The following ZMAT4 variants were observed in gnomAD, a reference collection of about 807,000 sequenced individuals.
ZMAT4 encodes the protein zinc finger matrin-type 4, also known as zinc finger matrin-type protein 4.
In ZMAT4, 17 loss-of-function variants were observed where a neutral mutation model predicts 28.7. The ratio of observed to expected loss-of-function variants is 0.59; its 90% CI spans 0.41 to 0.89. The LOEUF is 0.89. Among genes scored for constraint, ZMAT4 ranks in the 40% least tolerant of loss-of-function variants. ZMAT4 has a pLI of 0.00. For synonymous variants in ZMAT4, 117 were observed against 109.2 expected (o/e 1.07, Z -0.44); for missense variants, 240 against 283.8 (o/e 0.85, Z 1.11).
At chr8:40,628,835 A>G (rs999890997) in intron 5 of ZMAT4, among the ~76,000 whole-genome samples, 1 of 152,180 alleles carries the variant, frequency 6.6e-6, no homozygotes, top group African/African-American at 2.4e-5. Context: ...TATCCACTAG[A>G]GAAAAATGCC....
intron 1 of ZMAT4, among the ~76,000 whole-genome samples, chr8:40,888,235 C>T (rs1366613276): frequency 6.6e-6 from 1 of 152,198 alleles, no homozygotes; most frequent in East Asian, 1.9e-4. Context: ...TTCTCCATGA[C>T]AGGTAGGGCT....
At chr8:40,686,965 A>G (rs1809436395) in intron 4 of ZMAT4, among the ~76,000 whole-genome samples, 1 of 152,126 alleles carries the variant, frequency 6.6e-6, no homozygotes, top group South Asian at 2.1e-4. Context: ...TGTGAAGAAC[A>G]TGAGGCGGGA....
At chr8:40,838,098 A>G (rs1312813052) in intron 1 of ZMAT4, among the ~76,000 whole-genome samples, 1 of 152,252 alleles carries the variant, frequency 6.6e-6, no homozygotes, top group African/African-American at 2.4e-5. Context: ...CAGCTGGGCC[A>G]TCTGGCAACA....
At chr8:40,841,820 C>CTGTT (rs1816711264) in intron 1 of ZMAT4, among the ~76,000 whole-genome samples, 1 of 152,198 alleles carries the variant, frequency 6.6e-6, no homozygotes, top group South Asian at 2.1e-4. Context: ...GTAGAACTCC[C>CTGTT]TGTTTCTATT....
rs34621757 is a variant in ZMAT4, at chr8:40,671,066, CAA to C, written c.577+3636_577+3637del. Among the ~76,000 whole-genome samples, 198 of 123,512 alleles carry C rather than the reference CAA, an allele frequency of 1.6e-3. 1 individual carries two copies. The highest frequency in any genetic ancestry group is 1.8e-3 in the African/African-American group (58 of 32,504). 81.0% of individuals were successfully genotyped at this position (123,512 alleles called of 152,430 possible). A position where few individuals can be genotyped will look rare whatever the true frequency, so the allele number is the denominator to read the frequency against. Reference sequence around the variant, plus strand: ...CTGGCAACAGAGCAAGACTCCATCTCAAAAAAAAAAAAAAAAGTACTTGACAT... The same window carrying C: ...CTGGCAACAGAGCAAGACTCCATCTCAAAAAAAAAAAAAAGTACTTGACAT... On this transcript the variant is annotated intron_variant, in intron 5 of 6. Transcript: ENST00000297737.
At chr8:40,595,486 C>T (rs1199006717) in intron 5 of ZMAT4, among the ~76,000 whole-genome samples, 1 of 152,084 alleles carries the variant, frequency 6.6e-6, no homozygotes, top group African/African-American at 2.4e-5. Flanking sequence ...AGTGTACTTA[C>T]ATAAACCTAC....
At chr8:40,671,851 TA>T (rs1218780073) in intron 5 of ZMAT4, among the ~76,000 whole-genome samples, 1 of 152,196 alleles carries the variant, frequency 6.6e-6, no homozygotes, top group African/African-American at 2.4e-5. Context: ...TAGTTTCTTA[TA>T]AAAAATATTA....
chr8:40,575,592 A>G (rs1325346334), intron 6 of ZMAT4, among the ~76,000 whole-genome samples: 1 of 147,414 alleles, frequency 6.8e-6, no homozygotes, highest in Non-Finnish European at 1.5e-5. Flanking sequence ...AGACCATACT[A>G]CTGTGTTTAC....
chr8:40,801,341 T>TAAAAAA (rs201742506), intron 2 of ZMAT4, among the ~76,000 whole-genome samples: 4 of 114,620 alleles, frequency 3.5e-5, no homozygotes, highest in African/African-American at 1.3e-4. Context: ...ATACTTTCTT[T>TAAAAAA]AAAAAAAAAA....
chr8:40,815,145 C>T (rs1815479126), intron 2 of ZMAT4, among the ~76,000 whole-genome samples: 1 of 151,998 alleles, frequency 6.6e-6, no homozygotes, highest in African/African-American at 2.4e-5. Flanking sequence ...TGTGGTGCTG[C>T]GTGCCTGTAA....
In ZMAT4 at chr8:40,817,426, T is replaced by C. The variant is rs539580060; in HGVS notation, c.102+8149A>G. On this transcript the variant is annotated intron_variant, in intron 2 of 6. Coordinates refer to ENST00000297737, the MANE Select transcript of ZMAT4 (RefSeq NM_024645.3). ...CTCCAGGGGTCAGTGCCAGGGGTCA[T>C]TGGGAAAAATGAAAAAGAAAAGTCC... is the stretch of plus-strand genomic sequence containing the variant. Among the ~76,000 whole-genome samples, 319 of 152,162 alleles carry C rather than the reference T, an allele frequency of 2.1e-3. 1 individual carries two copies. The highest frequency in any genetic ancestry group is 7.4e-3 in the African/African-American group (309 of 41,510).
At chr8:40,560,302 A>G (rs1803693407) in intron 6 of ZMAT4, among the ~76,000 whole-genome samples, 1 of 151,974 alleles carries the variant, frequency 6.6e-6, no homozygotes, top group Non-Finnish European at 1.5e-5. Flanking sequence ...CCAATTATAG[A>G]CAGTCTATTT....
intron 1 of ZMAT4, among the ~76,000 whole-genome samples, chr8:40,872,568 C>T (rs950211688): frequency 4.6e-5 from 7 of 152,040 alleles, no homozygotes; most frequent in African/African-American, 1.7e-4. Context: ...AGGGGTGGGC[C>T]TTAGGGGGCC....
intron 5 of ZMAT4, among the ~76,000 whole-genome samples, chr8:40,585,646 A>T (rs1207828412): frequency 1.3e-5 from 2 of 152,158 alleles, no homozygotes; most frequent in Admixed American, 6.5e-5. Flanking sequence ...TTTCACAGGG[A>T]TTCATGATTC....
intron 5 of ZMAT4, among the ~76,000 whole-genome samples, chr8:40,649,946 A>T (rs1421986061): frequency 6.6e-6 from 1 of 151,980 alleles, no homozygotes. Flanking sequence ...GGAAATTTAT[A>T]GCACTAAATG....
intron 6 of ZMAT4, among the ~76,000 whole-genome samples, chr8:40,580,827 ACATT>A (rs1804440762): frequency 6.6e-6 from 1 of 152,214 alleles, no homozygotes; most frequent in Non-Finnish European, 1.5e-5. Flanking sequence ...GTGGTAGAAG[ACATT>A]CATAGAATTT....
chr8:40,801,351 A>AAAAAATATATAT (rs370796453), intron 2 of ZMAT4, among the ~76,000 whole-genome samples: 1 of 97,258 alleles, frequency 1.0e-5, no homozygotes, highest in African/African-American at 3.7e-5. Context: ...TAAAAAAAAA[A>AAAAAATATATAT]ATATATATAT....
At chr8:40,627,045 G>A (rs1416660210) in intron 5 of ZMAT4, among the ~76,000 whole-genome samples, 2 of 152,104 alleles carry the variant, frequency 1.3e-5, no homozygotes, top group East Asian at 3.8e-4. Context: ...AAATTGCATG[G>A]CCATCATCTA....
At chr8:40,757,948 C>A (rs1387143329) in intron 3 of ZMAT4, among the ~76,000 whole-genome samples, 1 of 152,124 alleles carries the variant, frequency 6.6e-6, no homozygotes, top group Non-Finnish European at 1.5e-5. Flanking sequence ...AGTCTCCCAG[C>A]CTAGTCTTTC....
Sources: gnomAD v4.1 joint callset for allele counts (sites outside exome capture counted in the v4.1 genomes callset) on GRCh38, gnomAD v4.1.1 for gene constraint, MANE v1.5 for transcripts, NCBI Gene and HGNC (gene_info 2026-07-23, HGNC 2026-07-21) for gene names.